GON4L: variants seen among roughly 807,000 people sequenced by gnomAD.
The protein encoded by GON4L is gon-4 like.
A neutral mutation model predicts 211.8 loss-of-function variants in GON4L; 87 were observed. That is an observed-to-expected ratio of 0.41 (90% CI 0.35 to 0.49). The LOEUF is 0.49. GON4L is among the 20% of genes least tolerant of loss of function. The pLI is 0.15. For missense variants in GON4L, 2,155 were observed against 2,659.5 expected, an observed-to-expected ratio of 0.81 and a Z score of 4.17; for synonymous variants, 875 against 962.6, an observed-to-expected ratio of 0.91 and a Z score of 1.68.
chr1:155,818,779 A>C (rs1668484344), intron 6 of GON4L, among the ~76,000 whole-genome samples: 1 of 148,602 alleles, frequency 6.7e-6, no homozygotes, highest in Non-Finnish European at 1.5e-5. Flanking sequence ...AAGGCGGGCG[A>C]TCACATGGGT....
intron 14 of GON4L, 71 bp from the exon 15 acceptor site, chr1:155,777,891 T>C (rs1388915731): frequency 1.1e-6 from 1 of 915,440 alleles, no homozygotes; most frequent in Non-Finnish European, 1.8e-6. Context: ...TTCGTTCCAA[T>C]GATGAGCAAA....
chr1:155,821,407 C>A, intron 5 of GON4L, 67 bp downstream of exon 5: 1 of 977,470 alleles, frequency 1.0e-6, no homozygotes. Context: ...AAGTGACCTC[C>A]TACCCTTAGC....
At chr1:155,760,419 G>GT in intron 24 of GON4L, 25 bp downstream of exon 24, 1 of 1,455,152 alleles carries the variant, frequency 6.9e-7, no homozygotes, top group Non-Finnish European at 9.6e-7. Flanking sequence ...GAGTCCCAGT[G>GT]TACTTTTTTT....
chr1:155,776,036 G>T (rs1442170644), intron 16 of GON4L, among the ~76,000 whole-genome samples: 2 of 152,102 alleles, frequency 1.3e-5, no homozygotes, highest in Admixed American at 6.6e-5. Context: ...GCCTGCTTTG[G>T]CTTCTCAAAG....
downstream of GON4L, chr1:155,748,081 G>C: frequency 6.2e-7 from 1 of 1,609,086 alleles, no homozygotes; most frequent in South Asian, 1.1e-5. Context: ...GGGAGCCTGG[G>C]CCTGCGACCT....
chr1:155,769,526 G>A (rs1662950055), intron 19 of GON4L, among the ~76,000 whole-genome samples: 1 of 152,080 alleles, frequency 6.6e-6, no homozygotes, highest in Non-Finnish European at 1.5e-5. Flanking sequence ...ATTCCTTCAA[G>A]ATGAAAGTGA....
Position 155,753,329 on chromosome 1 carries a change from C to A in GON4L, c.5717G>T (p.Gly1906Val). 6.2e-7 allele frequency: 1 copy of A among 1,613,436 alleles called. No individual in the cohort carries two copies. Among genetic ancestry groups the A allele is most frequent in the South Asian group, 1.1e-5 (1 of 91,062 alleles). ...CTTGCCCTGCCCAGCTTCCTTAGCA[C>A]CAGGCATAGGACTAGCCTCTCGGTG... ...SPHREASPMPGAKEAGQGKDM... is the reference protein window; with the variant it reads ...SPHREASPMPVAKEAGQGKDM... Residue 1906 changes from glycine (G) to valine (V), a missense_variant, in exon 29 of 32, where the codon GGT (glycine) becomes GTT (valine). This residue lies in a region of GON4L where 455 missense variants were observed against 504.6 expected (regional missense o/e 0.90). Transcript: ENST00000368331.
At position 155,751,737 on chromosome 1, in the gene GON4L, T is replaced by C. The variant is rs533370224; in HGVS notation, c.6576+30A>G. ...TTAGTTGGCCACCTTGACCTCTTTT[T>C]GCCAGGTCTTCACCCCAACCCGCAC... On this transcript the variant is annotated intron_variant, in intron 31 of 31. Coordinates refer to ENST00000368331, the MANE Select transcript of GON4L (RefSeq NM_001282860.2). The C allele has an allele frequency of 4.2e-6, 6 of 1,413,534 alleles. No individual in the cohort carries two copies. The African/African-American group carries it at 8.4e-5, about 20-fold the overall frequency. The allele number at this position is 1,413,534 out of a possible 1,614,324, so 87.6% of individuals were successfully genotyped here.
At position 155,766,257 on chromosome 1, in the gene GON4L, C is replaced by G; in HGVS notation, c.3216G>C (p.Leu1072=). The part of the protein sequence containing the change: ...GGESFESPAA[L]PAVPPEARTS... ...TCCTGGCCTCAGGGGGCACAGCAGG[C>G]AGTGCTGCAGGAGACTCAAAACTCT... Residue 1072 remains leucine (L), a synonymous_variant, in exon 21 of 32, where the codon CTG becomes CTC. Coordinates refer to ENST00000368331, the MANE Select transcript of GON4L (RefSeq NM_001282860.2). The G allele has an allele frequency of 6.2e-7, 1 of 1,614,144 alleles. No homozygotes were observed. Among genetic ancestry groups the G allele is most frequent in the Non-Finnish European group, 8.5e-7 (1 of 1,180,032 alleles).
At chr1:155,830,888 A>C (rs72706174) in intron 2 of GON4L, among the ~76,000 whole-genome samples, 1 of 152,148 alleles carries the variant, frequency 6.6e-6, no homozygotes, top group Non-Finnish European at 1.5e-5. Context: ...CCTGACCCCA[A>C]ATATTTTTTA....
At position 155,763,493 on chromosome 1, in the gene GON4L, C is replaced by G; in HGVS notation, c.4545G>C (p.Glu1515Asp). The change falls in exon 22 of 32, where the codon GAG becomes GAC. Residue 1515 changes from glutamate (E) to aspartate (D), a missense_variant. Coordinates refer to ENST00000368331, the MANE Select transcript of GON4L (RefSeq NM_001282860.2). The stretch of plus-strand genomic sequence containing the variant: ...GCTCAGAGTTCTCCTCCTGAGAATT[C>G]TCTTCTTCAGACTCACCCTCCTGAC... ...RMSQEGESEE[E>D]NSQEENSEPE... The G allele has an allele frequency of 1.3e-6, 2 of 1,551,500 alleles. No individual in the cohort carries two copies. Among genetic ancestry groups the G allele is most frequent in the Non-Finnish European group, 1.7e-6 (2 of 1,147,070 alleles).
intron 28 of GON4L, chr1:155,753,869 A>C: frequency 4.6e-6 from 1 of 216,558 alleles, no homozygotes; most frequent in Non-Finnish European, 9.3e-6. Flanking sequence ...TCCTCCAAGG[A>C]TTTGATTTTT....
At chr1:155,828,154 T>TCACA (rs55858311) in intron 2 of GON4L, among the ~76,000 whole-genome samples, 1,710 of 147,270 alleles carry the variant, frequency 0.012, 5 homozygotes, top group Middle Eastern at 0.028. Context: ...CAAGACACTG[T>TCACA]CACACACACA....
At chr1:155,764,693 C>T (rs1475412001) in intron 21 of GON4L, 1 of 704,402 alleles carries the variant, frequency 1.4e-6, no homozygotes, top group African/African-American at 1.8e-5. Flanking sequence ...CCCACCTCAG[C>T]CTCCCAAAGT....
chr1:155,786,920 GT>G (rs1343757784), intron 12 of GON4L, among the ~76,000 whole-genome samples: 1 of 150,700 alleles, frequency 6.6e-6, no homozygotes, highest in African/African-American at 2.4e-5. Flanking sequence ...ACAGTTAAGA[GT>G]TTTTTCGTTT....
chr1:155,847,430 G>T (rs1043760426), intron 2 of GON4L, among the ~76,000 whole-genome samples: 8 of 152,144 alleles, frequency 5.3e-5, no homozygotes, highest in African/African-American at 1.9e-4. Flanking sequence ...AAAGCCAGGT[G>T]CAGTGACTCA....
intron 2 of GON4L, among the ~76,000 whole-genome samples, chr1:155,840,773 C>T (rs144402413): frequency 1.3e-5 from 2 of 152,324 alleles, no homozygotes; most frequent in East Asian, 3.9e-4. Context: ...TTGATCACGC[C>T]TGTAATCCCA....
chr1:155,858,581 T>C (rs1557943259), upstream of GON4L, among the ~76,000 whole-genome samples: 1 of 151,666 alleles, frequency 6.6e-6, no homozygotes, highest in Non-Finnish European at 1.5e-5. Context: ...CCCTAAGCAC[T>C]TGAGGTTCAT....
At chr1:155,747,938 GA>G, downstream of GON4L, 1 of 1,562,342 alleles carries the variant, frequency 6.4e-7, no homozygotes, top group Non-Finnish European at 8.7e-7. Context: ...ATCCCATTGG[GA>G]GAGTGGCTTA....
Sources: gnomAD v4.1 joint callset for allele counts (sites outside exome capture counted in the v4.1 genomes callset) on GRCh38, gnomAD v4.1.1 for gene constraint, gnomAD v4.1.1 regional missense constraint, MANE v1.5 for transcripts, NCBI Gene and HGNC (gene_info 2026-07-23, HGNC 2026-07-21) for gene names.